CDK8: variants seen among roughly 807,000 people sequenced by gnomAD.
CDK8 encodes the protein cyclin-dependent kinase 8.
In CDK8, 29 loss-of-function variants were observed where a neutral mutation model predicts 71.5. The ratio of observed to expected loss-of-function variants is 0.41; its 90% confidence interval spans 0.30 to 0.55. The LOEUF (loss-of-function observed/expected upper bound fraction) is 0.55, where lower values mean the gene tolerates loss of function less well. Ranked by LOEUF, CDK8 falls within the 20% of genes least tolerant of loss-of-function variation. CDK8 has a pLI of 0.37. For missense variants in CDK8, 288 were observed against 572.6 expected (o/e 0.50, Z 5.07); for synonymous variants, 161 against 192.1 (o/e 0.84, Z 1.34).
At chr13:26,299,049 C>T (rs1873693716) in intron 1 of CDK8, among the ~76,000 whole-genome samples, 1 of 152,162 alleles carries the variant, frequency 6.6e-6, no homozygotes, top group Non-Finnish European at 1.5e-5. Flanking sequence ...GCCTTTTGAA[C>T]TACCATAAAG....
intron 2 of CDK8, among the ~76,000 whole-genome samples, chr13:26,343,084 TA>T (rs113306079): frequency 0.031 from 4,752 of 152,272 alleles, 235 homozygotes; most frequent in African/African-American, 0.11. Flanking sequence ...CATTTTAACC[TA>T]ATTACTTCTT....
intron 9 of CDK8, 99 bp downstream of exon 9, chr13:26,397,324 GCA>G (rs1876043020): frequency 1.4e-6 from 1 of 691,534 alleles, no homozygotes; most frequent in Non-Finnish European, 2.5e-6. Context: ...TACTTAGCTA[GCA>G]CTCAGAGTGC....
chr13:26,363,243 G>A (rs8001429), intron 4 of CDK8, among the ~76,000 whole-genome samples: 123 of 146,142 alleles, frequency 8.4e-4, no homozygotes, highest in African/African-American at 2.8e-3. Flanking sequence ...CAGGAGAATG[G>A]CGTGAACCTG....
intron 1 of CDK8, chr13:26,324,814 A>G: frequency 7.9e-6 from 7 of 889,936 alleles, no homozygotes; most frequent in Non-Finnish European, 9.4e-6. Context: ...TTTAAGAAAG[A>G]CTGATTGGTA....
chr13:26,301,726 A>G (rs1424524234), intron 1 of CDK8, among the ~76,000 whole-genome samples: 1 of 152,188 alleles, frequency 6.6e-6, no homozygotes, highest in Non-Finnish European at 1.5e-5. Flanking sequence ...ACCTTTGATT[A>G]CCTTCTTATC....
intron 2 of CDK8, among the ~76,000 whole-genome samples, chr13:26,344,018 AAC>A (rs1442456910): frequency 2.6e-5 from 4 of 152,070 alleles, no homozygotes; most frequent in Non-Finnish European, 5.9e-5. Context: ...CATAGTTACC[AAC>A]AGTTTTTCAC....
At chr13:26,349,345 G>C (rs968569147) in intron 3 of CDK8, among the ~76,000 whole-genome samples, 163 bp downstream of exon 3, 3 of 152,114 alleles carry the variant, frequency 2.0e-5, no homozygotes, top group African/African-American at 7.2e-5. Context: ...ATTTGACTTT[G>C]TATTATTACT....
chr13:26,279,843 C>G (rs1235931537), intron 1 of CDK8, among the ~76,000 whole-genome samples: 2 of 151,950 alleles, frequency 1.3e-5, no homozygotes, highest in African/African-American at 4.8e-5. Flanking sequence ...GGAAAATGTC[C>G]TTATTCTCAG....
intron 1 of CDK8, among the ~76,000 whole-genome samples, chr13:26,314,206 T>TTTTTC (rs1874410060): frequency 6.6e-6 from 1 of 152,232 alleles, no homozygotes; most frequent in Non-Finnish European, 1.5e-5. Context: ...TATTTAATTT[T>TTTTTC]TTTTCTTTTC....
intron 6 of CDK8, among the ~76,000 whole-genome samples, chr13:26,391,351 C>A (rs1304271915): frequency 6.6e-6 from 1 of 152,202 alleles, no homozygotes; most frequent in African/African-American, 2.4e-5. Flanking sequence ...AAGCGATCCT[C>A]CCGCCTCAGC....
At chr13:26,270,543 TC>T (rs1872266697) in intron 1 of CDK8, among the ~76,000 whole-genome samples, 2 of 152,190 alleles carry the variant, frequency 1.3e-5, no homozygotes, top group African/African-American at 4.8e-5. Flanking sequence ...ACTCCTTGTT[TC>T]CTCTAATCCT....
In CDK8 at chr13:26,353,948, G is replaced by GA. The variant is rs1330949528; in HGVS notation, c.456+68_456+69insA. 9.0e-6 allele frequency: 12 copies of GA among 1,338,356 alleles called. No individual in the cohort carries two copies. The East Asian group carries it at 1.2e-4, about 13-fold the overall frequency. The allele number at this position is 1,338,356 out of a possible 1,614,324, so 82.9% of individuals were successfully genotyped here. A position where few individuals can be genotyped will look rare whatever the true frequency, so the allele number is the denominator to read the frequency against. Reference sequence around the variant, plus strand: ...CAGTTGGATACTTTTCTAGTCGTCTGTAGATACCAGTGCTATATGTAGGCC... The same window carrying GA: ...CAGTTGGATACTTTTCTAGTCGTCTGATAGATACCAGTGCTATATGTAGGCC... On this transcript the variant is annotated intron_variant, in intron 4 of 12. Coordinates refer to ENST00000381527, the MANE Select transcript of CDK8 (RefSeq NM_001260.3).
At chr13:26,353,961 C>G in intron 4 of CDK8, 81 bp downstream of exon 4, 1 of 1,212,852 alleles carries the variant, frequency 8.2e-7, no homozygotes, top group Admixed American at 1.7e-5. Context: ...GATACCAGTG[C>G]TATATGTAGG....
chr13:26,328,628 G>A (rs1273630103), intron 1 of CDK8, among the ~76,000 whole-genome samples: 1 of 152,188 alleles, frequency 6.6e-6, no homozygotes, highest in Non-Finnish European at 1.5e-5. Context: ...CCCTTTCTAA[G>A]TGATTTGTTA....
intron 1 of CDK8, among the ~76,000 whole-genome samples, chr13:26,259,617 C>A (rs1179289901): frequency 2.6e-5 from 4 of 152,110 alleles, no homozygotes; most frequent in Admixed American, 2.6e-4. Flanking sequence ...AAGTTACCTA[C>A]CTTAGATATC....
intron 1 of CDK8, among the ~76,000 whole-genome samples, chr13:26,278,907 A>G (rs1350256388): frequency 6.6e-6 from 1 of 152,168 alleles, no homozygotes; most frequent in African/African-American, 2.4e-5. Flanking sequence ...TTATTTACAT[A>G]GTATTTACAT....
chr13:26,268,672 C>G (rs921766909), intron 1 of CDK8, among the ~76,000 whole-genome samples: 1 of 152,010 alleles, frequency 6.6e-6, no homozygotes, highest in Non-Finnish European at 1.5e-5. Context: ...AAAAAAAACT[C>G]GAGAGCCATA....
chr13:26,332,709 G>A (rs747272528), intron 1 of CDK8, among the ~76,000 whole-genome samples: 10 of 151,946 alleles, frequency 6.6e-5, no homozygotes, highest in African/African-American at 9.7e-5. Context: ...GTTAGCTGTC[G>A]GTTTGTTATA....
At chr13:26,314,837 T>C (rs1874436502) in intron 1 of CDK8, among the ~76,000 whole-genome samples, 2 of 152,250 alleles carry the variant, frequency 1.3e-5, no homozygotes, top group South Asian at 4.1e-4. Flanking sequence ...ACAAATATTG[T>C]ATTAGTAATA....
Sources: allele counts gnomAD v4.1 joint callset (sites outside exome capture counted in the v4.1 genomes callset), GRCh38; gene constraint gnomAD v4.1.1; transcripts MANE v1.5; gene names NCBI Gene and HGNC (gene_info 2026-07-23, HGNC 2026-07-21).